Variants in NAALADL2 observed in about 807,000 individuals in gnomAD.
The protein encoded by NAALADL2 is N-acetylated alpha-linked acidic dipeptidase like 2, also known as inactive N-acetylated-alpha-linked acidic dipeptidase-like protein 2.
A neutral mutation model predicts 87.2 loss-of-function variants in NAALADL2; 76 were observed. The observed-to-expected ratio is 0.87, with a 90% CI of 0.72 to 1.05. The LOEUF is 1.05. Among genes scored for constraint, NAALADL2 ranks in the 50% least tolerant of loss-of-function variants. The probability of loss-of-function intolerance (pLI) is 0.00; values close to 1 mark genes in which losing one functional copy is unlikely to be tolerated. For synonymous variants in NAALADL2, 354 were observed against 331.0 expected, an observed-to-expected ratio of 1.07 and a Z score of -0.75; for missense variants, 1,089 against 945.8, an observed-to-expected ratio of 1.15 and a Z score of -1.99.
At chr3:175,499,472 G>A (rs1729248617) in intron 9 of NAALADL2, among the ~76,000 whole-genome samples, 1 of 149,996 alleles carries the variant, frequency 6.7e-6, no homozygotes, top group Non-Finnish European at 1.5e-5. Context: ...GGTACAAAAT[G>A]TTAAACCTAA....
intron 1 of NAALADL2, among the ~76,000 whole-genome samples, chr3:174,959,231 C>A (rs1295780634): frequency 6.6e-6 from 1 of 152,030 alleles, no homozygotes; most frequent in Non-Finnish European, 1.5e-5. Flanking sequence ...CTTAGGGACT[C>A]AGCTGACATG....
chr3:175,581,152 G>C (rs376921966), intron 10 of NAALADL2: 1 of 392,562 alleles, frequency 2.5e-6, no homozygotes, highest in South Asian at 1.9e-5. Flanking sequence ...TTTAAAAAAG[G>C]CTGAATAGGC....
intron 1 of NAALADL2, among the ~76,000 whole-genome samples, chr3:175,022,573 A>G (rs1359980803): frequency 6.6e-6 from 1 of 152,046 alleles, no homozygotes; most frequent in Non-Finnish European, 1.5e-5. Flanking sequence ...GCTGCTCCCT[A>G]TAGCCATGGC....
chr3:174,620,218 G>T (rs988850593), intron 2 of NAALADL2, among the ~76,000 whole-genome samples: 1 of 151,990 alleles, frequency 6.6e-6, no homozygotes, highest in Non-Finnish European at 1.5e-5. Context: ...GGAATATAAG[G>T]ATGAATGAGT....
chr3:174,460,536 TA>T (rs1716149558), intron 1 of NAALADL2, among the ~76,000 whole-genome samples: 1 of 152,040 alleles, frequency 6.6e-6, no homozygotes, highest in Admixed American at 6.6e-5. Flanking sequence ...AAAACACCTA[TA>T]ATTTACTACC....
At chr3:175,175,169 T>C (rs1483519901) in intron 2 of NAALADL2, among the ~76,000 whole-genome samples, 1 of 152,034 alleles carries the variant, frequency 6.6e-6, no homozygotes, top group Non-Finnish European at 1.5e-5. Context: ...AGAGCTAAAA[T>C]AATCAATTAC....
intron 3 of NAALADL2, among the ~76,000 whole-genome samples, chr3:174,804,291 G>T (rs545224159): frequency 6.6e-6 from 1 of 152,130 alleles, no homozygotes; most frequent in African/African-American, 2.4e-5. Context: ...GTATAGGAAT[G>T]CTTGTGATTT....
At chr3:175,326,944 G>T (rs189295359) in intron 5 of NAALADL2, among the ~76,000 whole-genome samples, 2 of 152,128 alleles carry the variant, frequency 1.3e-5, no homozygotes, top group East Asian at 3.9e-4. Flanking sequence ...TTATTAGAGG[G>T]ACTAATCTAA....
chr3:174,445,011 A>ATG (rs1714942671), intron 1 of NAALADL2, among the ~76,000 whole-genome samples: 2 of 144,170 alleles, frequency 1.4e-5, no homozygotes, highest in African/African-American at 2.5e-5. Flanking sequence ...CTTGTTTGAG[A>ATG]TTTTTTTTTT....
chr3:175,705,756 G>A (rs756175071), intron 11 of NAALADL2, among the ~76,000 whole-genome samples: 8 of 152,094 alleles, frequency 5.3e-5, no homozygotes, highest in Non-Finnish European at 1.0e-4. Context: ...GTCCAGTCAT[G>A]CAGCTAGTTA....
chr3:175,595,032 C>A (rs1446550205), intron 10 of NAALADL2, among the ~76,000 whole-genome samples: 1 of 151,794 alleles, frequency 6.6e-6, no homozygotes, highest in Non-Finnish European at 1.5e-5. Context: ...TTTTTGTTTT[C>A]TTGTAATTAC....
intron 3 of NAALADL2, among the ~76,000 whole-genome samples, chr3:174,784,445 C>G (rs1255143763): frequency 1.3e-5 from 2 of 152,126 alleles, no homozygotes; most frequent in African/African-American, 2.4e-5. Flanking sequence ...TTTGTTTAAA[C>G]AGAATCATTC....
At chr3:175,125,710 G>T (rs1461261) in intron 2 of NAALADL2, among the ~76,000 whole-genome samples, 92,593 of 151,844 alleles carry the variant, frequency 0.61, 28,868 homozygotes, top group African/African-American at 0.75. Flanking sequence ...ATCTGGAACC[G>T]AACAGGTTCG....
rs199555611 is a variant in NAALADL2, at chr3:174,752,585, A to AT, written c.-9+14849dup. On this transcript the variant is annotated intron_variant, in intron 3 of 3. Coordinates refer to the NAALADL2 transcript ENST00000434257. ...TTATTTTAAAAAAAATAGGCCAGTG[A>AT]TTTTTTTTTTATTTCACATAACCAG... Among the ~76,000 whole-genome samples the AT allele has an allele frequency of 1.1e-3, 156 of 148,360 alleles. 1 individual carries two copies. The highest frequency in any genetic ancestry group is 3.6e-3 in the South Asian group (17 of 4,680).
intron 2 of NAALADL2, among the ~76,000 whole-genome samples, chr3:175,198,981 G>T (rs1739403613): frequency 6.6e-6 from 1 of 152,052 alleles, no homozygotes; most frequent in South Asian, 2.1e-4. Flanking sequence ...GTTATTCAGT[G>T]CATGTTTGCA....
intron 13 of NAALADL2, among the ~76,000 whole-genome samples, chr3:175,792,593 ACTATAT>A (rs1298552349): frequency 6.6e-6 from 1 of 152,210 alleles, no homozygotes; most frequent in Non-Finnish European, 1.5e-5. Flanking sequence ...GTCAAAGAAA[ACTATAT>A]CTATAATTGT....
chr3:175,633,749 C>A (rs942018508), intron 11 of NAALADL2, among the ~76,000 whole-genome samples: 6 of 151,574 alleles, frequency 4.0e-5, no homozygotes, highest in African/African-American at 1.5e-4. Flanking sequence ...GAAAAAAATT[C>A]CTTATTTTTC....
intron 3 of NAALADL2, among the ~76,000 whole-genome samples, chr3:174,791,543 G>C (rs1420183720): frequency 1.3e-5 from 2 of 152,132 alleles, no homozygotes; most frequent in Non-Finnish European, 2.9e-5. Flanking sequence ...TTGTTTATGA[G>C]CTACTCAGTT....
intron 2 of NAALADL2, among the ~76,000 whole-genome samples, chr3:174,696,343 G>C (rs941861095): frequency 3.9e-5 from 6 of 151,924 alleles, no homozygotes; most frequent in African/African-American, 1.4e-4. Context: ...AATTTGAAGA[G>C]TAGACATATG....
Sources: allele counts gnomAD v4.1 joint callset (sites outside exome capture counted in the v4.1 genomes callset), GRCh38; gene constraint gnomAD v4.1.1; transcripts MANE v1.5; gene names NCBI Gene and HGNC (gene_info 2026-07-23, HGNC 2026-07-21).